The following DLC1 variants were observed in gnomAD, a reference collection of about 807,000 sequenced individuals.
DLC1 encodes rho GTPase-activating protein 7.
In DLC1, 54 loss-of-function variants were observed where a neutral mutation model predicts 140.3. The observed-to-expected ratio is 0.38, with a 90% CI of 0.31 to 0.48. DLC1 has a LOEUF of 0.48. Ranked by LOEUF, DLC1 falls within the 20% of genes least tolerant of loss-of-function variation. The pLI, the probability that DLC1 is intolerant of heterozygous loss-of-function variation, is 0.96. For missense variants in DLC1, 2,536 were observed against 1,907.0 expected (o/e 1.33, Z -6.14); for synonymous variants, 986 against 728.1 (o/e 1.35, Z -5.70).
intron 4 of DLC1, among the ~76,000 whole-genome samples, chr8:13,331,915 C>T (rs370039724): frequency 1.2e-4 from 19 of 152,220 alleles, no homozygotes; most frequent in Admixed American, 2.6e-4. Context: ...TTTTCCTAGA[C>T]GCTTTCTTGA....
chr8:13,292,598 G>C (rs1381140115), intron 5 of DLC1, among the ~76,000 whole-genome samples: 1 of 152,014 alleles, frequency 6.6e-6, no homozygotes, highest in African/African-American at 2.4e-5. Flanking sequence ...ATTGCAGTTG[G>C]GGTGCAGCCA....
chr8:13,208,092 G>T (rs1167314882), intron 5 of DLC1, among the ~76,000 whole-genome samples: 4 of 152,202 alleles, frequency 2.6e-5, no homozygotes, highest in Admixed American at 2.6e-4. Flanking sequence ...TAAACCATGG[G>T]TTGACTAGAA....
At chr8:13,547,984 T>C (rs1187599415) in intron 1 of DLC1, among the ~76,000 whole-genome samples, 1 of 152,072 alleles carries the variant, frequency 6.6e-6, no homozygotes, top group African/African-American at 2.4e-5. Context: ...CAACCACCTA[T>C]AGTTCTACAT....
intron 10 of DLC1, chr8:13,096,161 C>T (rs942338528): frequency 1.3e-5 from 2 of 152,240 alleles, no homozygotes; most frequent in African/African-American, 4.8e-5. Context: ...GGATTCCTCC[C>T]TGCTCCACAG....
At chr8:13,149,853 CTT>C (rs1429688365) in intron 5 of DLC1, among the ~76,000 whole-genome samples, 2 of 152,224 alleles carry the variant, frequency 1.3e-5, no homozygotes, top group African/African-American at 2.4e-5. Flanking sequence ...CGTCAGGCCT[CTT>C]GTTTGCACTG....
intron 5 of DLC1, among the ~76,000 whole-genome samples, chr8:13,248,405 T>C (rs928375562): frequency 2.3e-5 from 3 of 129,526 alleles, no homozygotes; most frequent in African/African-American, 9.0e-5. Context: ...TGAGAAAGAC[T>C]CTCTGACTCT....
chr8:13,419,281 C>T (rs1838205943), intron 2 of DLC1, among the ~76,000 whole-genome samples: 1 of 151,892 alleles, frequency 6.6e-6, no homozygotes, highest in Admixed American at 6.6e-5. Context: ...GAGGGCATCC[C>T]TGTCTTGTGC....
At chr8:13,505,493 A>G (rs1052862734) in intron 1 of DLC1, among the ~76,000 whole-genome samples, 5 of 152,182 alleles carry the variant, frequency 3.3e-5, no homozygotes, top group African/African-American at 1.2e-4. Flanking sequence ...ATTCATGCTA[A>G]AAATAATTTA....
At chr8:13,368,559 C>G (rs1407561823) in intron 4 of DLC1, among the ~76,000 whole-genome samples, 3 of 149,792 alleles carry the variant, frequency 2.0e-5, no homozygotes, top group African/African-American at 7.4e-5. Flanking sequence ...AAAAAAAGTT[C>G]TTACAGAATG....
In DLC1 at chr8:13,086,409, C is replaced by T. The variant is rs1817564801; in HGVS notation, c.4347G>A (p.Val1449=). The T allele has an allele frequency of 1.2e-6, 2 of 1,614,218 alleles. No homozygotes were observed. Among genetic ancestry groups the T allele is most frequent in the East Asian group, 2.2e-5 (1 of 44,884 alleles). ...KGACALLLTS[V]DHDRAPVVGV... is the part of the protein sequence containing the mutation. Reference sequence around the variant, plus strand: ...CCACCACAGGTGCGCGATCGTGATCCACAGAGGTTAGTAAAAGGGCACAGG... The same window carrying T: ...CCACCACAGGTGCGCGATCGTGATCTACAGAGGTTAGTAAAAGGGCACAGG... Residue 1449 remains valine, a synonymous_variant, in exon 17 of 18, where the codon GTG becomes GTA. Transcript: ENST00000276297.
intron 1 of DLC1, among the ~76,000 whole-genome samples, chr8:13,548,844 A>G (rs988961346): frequency 6.6e-6 from 1 of 152,036 alleles, no homozygotes; most frequent in Non-Finnish European, 1.5e-5. Flanking sequence ...GATCACTTAC[A>G]TTTCTGACAA....
chr8:13,255,971 C>A (rs1429659876), intron 5 of DLC1, among the ~76,000 whole-genome samples: 5 of 152,114 alleles, frequency 3.3e-5, no homozygotes, highest in Non-Finnish European at 7.3e-5. Context: ...GAACAAATAT[C>A]TAGGCACATA....
In DLC1 at chr8:13,115,658, C is replaced by G; in HGVS notation, c.1349-1G>C. 1.2e-6 allele frequency: 2 copies of G among 1,614,044 alleles called. No individual in the cohort carries two copies. Among genetic ancestry groups the G allele is most frequent in the Non-Finnish European group, 8.5e-7 (1 of 1,179,966 alleles). On this transcript the variant is annotated splice_acceptor_variant, in intron 5 of 17. Coordinates refer to ENST00000276297, the MANE Select transcript of DLC1 (RefSeq NM_182643.3). LOFTEE classifies it high-confidence loss of function. ...TCACAAGCTTCCTTGGCTTCAATTT[C>G]TAGAACAGAACAGAAGAAAGACAAA...
intron 12 of DLC1, among the ~76,000 whole-genome samples, chr8:13,093,586 G>C (rs548452359): frequency 6.6e-6 from 1 of 152,172 alleles, no homozygotes; most frequent in Non-Finnish European, 1.5e-5. Context: ...CTCTTTAAAA[G>C]AGCATGTGGT....
intron 2 of DLC1, among the ~76,000 whole-genome samples, chr8:13,467,474 A>G (rs1001672080): frequency 3.6e-5 from 5 of 140,446 alleles, no homozygotes; most frequent in African/African-American, 1.3e-4. Context: ...TTTTTAATGG[A>G]TGTTGGACTG....
At chr8:13,582,187 T>A (rs925513484) in intron 1 of DLC1, among the ~76,000 whole-genome samples, 5 of 152,110 alleles carry the variant, frequency 3.3e-5, no homozygotes, top group African/African-American at 9.7e-5. Flanking sequence ...GTAATGCACA[T>A]CCCTGCAGAG....
intron 5 of DLC1, among the ~76,000 whole-genome samples, chr8:13,221,583 C>A (rs1043116553): frequency 2.7e-5 from 4 of 150,634 alleles, no homozygotes; most frequent in Admixed American, 2.0e-4. Flanking sequence ...GTTGACCAGG[C>A]TGATCTTGAA....
At chr8:13,147,357 G>A (rs1319760348) in intron 5 of DLC1, among the ~76,000 whole-genome samples, 2 of 152,162 alleles carry the variant, frequency 1.3e-5, no homozygotes, top group Non-Finnish European at 2.9e-5. Context: ...CAAGTGAATT[G>A]AGTATTTCTC....
intron 5 of DLC1, among the ~76,000 whole-genome samples, chr8:13,235,876 T>G (rs1358071710): frequency 6.6e-6 from 1 of 151,986 alleles, no homozygotes; most frequent in Non-Finnish European, 1.5e-5. Flanking sequence ...AGACTATAAA[T>G]AGCTGACATC....
Sources: gnomAD v4.1 joint callset for allele counts (sites outside exome capture counted in the v4.1 genomes callset) on GRCh38, gnomAD v4.1.1 for gene constraint, MANE v1.5 for transcripts, NCBI Gene and HGNC (gene_info 2026-07-23, HGNC 2026-07-21) for gene names.